Variants in CDH13 observed in about 807,000 individuals in gnomAD.
The protein encoded by CDH13 is cadherin-13.
CDH13 carries 24 observed loss-of-function variants against 63.8 expected under a neutral mutation model. The observed-to-expected ratio is 0.38, with a 90% CI of 0.27 to 0.53. The LOEUF (loss-of-function observed/expected upper bound fraction) is 0.53. Ranked by LOEUF, CDH13 falls within the 20% of genes least tolerant of loss-of-function variation. CDH13 has a pLI of 0.85. For missense variants in CDH13, 1,049 were observed against 903.1 expected (o/e 1.16, Z -2.07); for synonymous variants, 503 against 355.3 (o/e 1.42, Z -4.67).
chr16:83,576,019 T>C (rs9927965), intron 7 of CDH13, among the ~76,000 whole-genome samples: 152,095 of 152,378 alleles, frequency 1, 75,908 homozygotes, highest in Middle Eastern at 1. Context: ...TCACATAACA[T>C]GAAACTAACC....
intron 1 of CDH13, among the ~76,000 whole-genome samples, chr16:82,822,646 C>T (rs531691014): frequency 5.3e-5 from 8 of 152,170 alleles, no homozygotes; most frequent in South Asian, 2.1e-4. Flanking sequence ...AGGTGTGCAC[C>T]GCCACACCTG....
intron 2 of CDH13, among the ~76,000 whole-genome samples, chr16:82,883,202 C>T (rs547000227): frequency 5.3e-5 from 8 of 152,182 alleles, no homozygotes; most frequent in African/African-American, 1.9e-4. Flanking sequence ...AAAATATGAC[C>T]TACTAAGCAG....
intron 2 of CDH13, among the ~76,000 whole-genome samples, chr16:82,976,690 A>C (rs17744976): frequency 0.054 from 8,235 of 152,272 alleles, 231 homozygotes; most frequent in Non-Finnish European, 0.062. Flanking sequence ...TGAGGGGTTC[A>C]GACTCCCAAA....
chr16:83,102,549 C>G (rs1185859771), intron 3 of CDH13, among the ~76,000 whole-genome samples: 2 of 152,144 alleles, frequency 1.3e-5, no homozygotes, highest in Non-Finnish European at 2.9e-5. Flanking sequence ...AACAAGGACA[C>G]TGGCTTCACT....
At chr16:83,362,351 A>G (rs369747386) in intron 6 of CDH13, among the ~76,000 whole-genome samples, 1 of 152,294 alleles carries the variant, frequency 6.6e-6, no homozygotes, top group East Asian at 1.9e-4. Context: ...AGCTTTTGAA[A>G]ACTCCTATTC....
At chr16:83,324,977 G>T (rs1378269888) in intron 5 of CDH13, among the ~76,000 whole-genome samples, 1 of 152,054 alleles carries the variant, frequency 6.6e-6, no homozygotes, top group Non-Finnish European at 1.5e-5. Flanking sequence ...ACTCTACTTG[G>T]TCCCCCTGGA....
At position 83,344,858 on chromosome 16, in the gene CDH13, A is replaced by G. The variant is rs1023178211; in HGVS notation, c.637-4A>G. 2 of 1,613,568 alleles carry G rather than the reference A, an allele frequency of 1.2e-6. No homozygotes were observed. Among genetic ancestry groups the G allele is most frequent in the Non-Finnish European group, 8.5e-7 (1 of 1,179,656 alleles). ...TTTCTCCCCCAATCTCTTTGCTCAA[A>G]TAGCTATTTGTGGAGACCACTGATG... On this transcript the variant is annotated splice_polypyrimidine_tract_variant and splice_region_variant and intron_variant, in intron 5 of 13. Coordinates refer to ENST00000567109, the MANE Select transcript of CDH13 (RefSeq NM_001257.5).
intron 5 of CDH13, among the ~76,000 whole-genome samples, chr16:83,290,338 C>A (rs1433908026): frequency 6.6e-6 from 1 of 152,226 alleles, no homozygotes. Flanking sequence ...GTAATAATCC[C>A]CTCGTGTCAT....
chr16:83,663,372 C>G (rs369104969), intron 8 of CDH13, among the ~76,000 whole-genome samples: 1 of 152,176 alleles, frequency 6.6e-6, no homozygotes, highest in Non-Finnish European at 1.5e-5. Context: ...AAGAAATATT[C>G]TAATTTGCCA....
At position 82,912,757 on chromosome 16, in the gene CDH13, T is replaced by C. The variant is rs935662856; in HGVS notation, c.157+54284T>C. Among the ~76,000 whole-genome samples the C allele has an allele frequency of 2.2e-4, 34 of 152,176 alleles. 2 individuals are homozygous for C. Among genetic ancestry groups the C allele is most frequent in the African/African-American group, 6.3e-4 (26 of 41,516 alleles). On this transcript the variant is annotated intron_variant, in intron 2 of 13. Coordinates refer to ENST00000567109, the MANE Select transcript of CDH13 (RefSeq NM_001257.5). ...AGGAGATCGAAACCATCCTGGCTAA[T>C]ACGGTGAAACCCCGTCTCTACTAAA... is the stretch of plus-strand genomic sequence containing the variant.
In CDH13 at chr16:83,797,064, T is replaced by C. The variant is rs552653827; in HGVS notation, c.*2034T>C. 2 of 152,386 alleles carry C rather than the reference T, an allele frequency of 1.3e-5. No individual in the cohort carries two copies. The highest frequency in any genetic ancestry group is 4.8e-5 in the African/African-American group (2 of 41,582). 9.4% of individuals were successfully genotyped at this position (152,386 alleles called of 1,614,324 possible). ...CATTCACACTCCACAAGATTTCCTCTACTGGCTTTACAGGGCACTGTCACG... is the reference window on the plus strand; with the variant it reads ...CATTCACACTCCACAAGATTTCCTCCACTGGCTTTACAGGGCACTGTCACG... On this transcript the variant is annotated 3_prime_UTR_variant, in exon 14 of 14. Coordinates refer to ENST00000567109, the MANE Select transcript of CDH13 (RefSeq NM_001257.5).
chr16:83,099,103 T>C (rs925341545), intron 3 of CDH13, among the ~76,000 whole-genome samples: 15 of 152,210 alleles, frequency 9.9e-5, no homozygotes, highest in African/African-American at 3.1e-4. Flanking sequence ...TACATAAAGA[T>C]AGTGTTCATA....
At chr16:83,248,488 G>C (rs1378778378) in intron 5 of CDH13, among the ~76,000 whole-genome samples, 3 of 152,130 alleles carry the variant, frequency 2.0e-5, no homozygotes, top group Admixed American at 1.3e-4. Context: ...CCCAGGGTTA[G>C]TAACTTAAAA....
chr16:83,443,185 G>A (rs1292749678), intron 6 of CDH13, among the ~76,000 whole-genome samples: 3 of 152,188 alleles, frequency 2.0e-5, no homozygotes, highest in Admixed American at 6.5e-5. Flanking sequence ...GAATGTGATA[G>A]GGTGGGTGAC....
chr16:83,193,835 C>T (rs1402913131), intron 4 of CDH13, among the ~76,000 whole-genome samples: 1 of 152,150 alleles, frequency 6.6e-6, no homozygotes, highest in Non-Finnish European at 1.5e-5. Context: ...CTGCTTCCTT[C>T]TCTGTGAATA....
chr16:83,395,212 G>T (rs545588197), intron 6 of CDH13, among the ~76,000 whole-genome samples: 1 of 151,512 alleles, frequency 6.6e-6, no homozygotes, highest in Non-Finnish European at 1.5e-5. Context: ...TACTTGGGAG[G>T]CTGAGGCAGG....
At chr16:83,169,929 G>C (rs2037849952) in intron 4 of CDH13, among the ~76,000 whole-genome samples, 1 of 152,004 alleles carries the variant, frequency 6.6e-6, no homozygotes, top group African/African-American at 2.4e-5. Flanking sequence ...TGATTCTTCA[G>C]TCCCTCTAGA....
chr16:83,686,270 T>C (rs544795386), intron 10 of CDH13, among the ~76,000 whole-genome samples: 1 of 152,368 alleles, frequency 6.6e-6, no homozygotes, highest in South Asian at 2.1e-4. Flanking sequence ...TCATTGTCCA[T>C]CTTCCCACGA....
chr16:83,274,024 A>C (rs911724799), intron 5 of CDH13, among the ~76,000 whole-genome samples: 5 of 151,952 alleles, frequency 3.3e-5, no homozygotes, highest in African/African-American at 4.8e-5. Flanking sequence ...TCCACCACTT[A>C]CCTGGGGTTA....
Sources: gnomAD v4.1 joint callset for allele counts (sites outside exome capture counted in the v4.1 genomes callset) on GRCh38, gnomAD v4.1.1 for gene constraint, MANE v1.5 for transcripts, NCBI Gene and HGNC (gene_info 2026-07-23, HGNC 2026-07-21) for gene names.